Variants in MEX3C observed in about 807,000 individuals in gnomAD.
MEX3C encodes the protein mex-3 RNA binding family member C, also known as RNA-binding E3 ubiquitin-protein ligase MEX3C.
Under a neutral mutation model 35.5 loss-of-function variants are expected in MEX3C, and 15 were observed. That is an observed-to-expected ratio of 0.42 (90% confidence interval 0.28 to 0.65). The LOEUF is 0.65. Ranked by LOEUF, MEX3C falls within the 30% of genes least tolerant of loss-of-function variation. The pLI is 0.20. For synonymous variants in MEX3C, 390 were observed against 352.8 expected (o/e 1.11, Z -1.18); for missense variants, 711 against 842.8 (o/e 0.84, Z 1.94).
intron 1 of MEX3C, chr18:51,193,645 C>A (rs1912706906): frequency 6.6e-6 from 1 of 152,196 alleles, no homozygotes; most frequent in Non-Finnish European, 1.5e-5. Flanking sequence ...CTCTTCAGTT[C>A]CTGGCTTTAT....
rs1568236786 is a variant in MEX3C, at chr18:51,196,970, T to G, written c.351A>C (p.Glu117Asp). 1.3e-6 allele frequency: 2 copies of G among 1,541,018 alleles called. No homozygotes were observed. Among genetic ancestry groups the G allele is most frequent in the African/African-American group, 1.4e-5 (1 of 71,776 alleles). The change falls in exon 1 of 2, where the codon GAA becomes GAC. Residue 117 changes from glutamate to aspartate, a missense_variant. Physicochemically the swap from Glu to Asp is conservative, Grantham distance 45 (BLOSUM62 2). Around this residue, in one of 4 missense-constraint regions of MEX3C, gnomAD observed 354 missense variants for 311.6 expected, o/e 1.14. Coordinates refer to ENST00000406189, the MANE Select transcript of MEX3C (RefSeq NM_016626.5). Reference sequence around the variant, plus strand: ...CCAGCAGGTCTCCGTCCAGCTCCGCTTCCTCCCCCTCCTCCTCGTCCTCTT... The same window carrying G: ...CCAGCAGGTCTCCGTCCAGCTCCGCGTCCTCCCCCTCCTCCTCGTCCTCTT... ...ELEEDEEEGE[E>D]AELDGDLLEE...
chr18:51,186,350 T>C (rs1167986813), intron 1 of MEX3C, among the ~76,000 whole-genome samples: 1 of 152,138 alleles, frequency 6.6e-6, no homozygotes, highest in East Asian at 1.9e-4. Context: ...AAGAAAGCTT[T>C]AAAGGCATCT....
chr18:51,191,302 G>A (rs191451995), intron 1 of MEX3C, among the ~76,000 whole-genome samples: 71 of 152,182 alleles, frequency 4.7e-4, no homozygotes, highest in African/African-American at 9.9e-4. Context: ...CATTACTTCC[G>A]GATCTAACAT....
chr18:51,194,136 C>A (rs1025379972), intron 1 of MEX3C: 2 of 152,164 alleles, frequency 1.3e-5, no homozygotes, highest in Non-Finnish European at 2.9e-5. Flanking sequence ...AGAATGTGAA[C>A]ATTAGAAGTC....
rs1912810170 is a variant in MEX3C, at chr18:51,196,863, T to C, written c.458A>G (p.Gln153Arg). ...GGACCCGCCCGGGATCTGCTGGGTC[T>C]GAGAGGCGGTGGCCGCGGGCGGCGA... ...LLSPPAATAS[Q>R]TQQIPGGSLG... The change falls in exon 1 of 2, where the codon CAG becomes CGG. Residue 153 changes from glutamine to arginine, a missense_variant. Transcript: ENST00000406189. The C allele has an allele frequency of 6.5e-7, 1 of 1,539,298 alleles. No individual in the cohort carries two copies. Among genetic ancestry groups the C allele is most frequent in the Non-Finnish European group, 8.7e-7 (1 of 1,145,576 alleles).
chr18:51,183,171 A>G (rs1285188239), intron 1 of MEX3C, among the ~76,000 whole-genome samples: 2 of 152,248 alleles, frequency 1.3e-5, no homozygotes, highest in African/African-American at 4.8e-5. Flanking sequence ...CAGCTCAGAC[A>G]TATTTGTAAC....
intron 1 of MEX3C, chr18:51,193,317 T>C (rs1201475124): frequency 6.6e-6 from 1 of 152,186 alleles, no homozygotes; most frequent in Non-Finnish European, 1.5e-5. Flanking sequence ...TTTATCCTAA[T>C]AGTAATACAA....
At chr18:51,179,922 G>T (rs899613743) in intron 1 of MEX3C, among the ~76,000 whole-genome samples, 3 of 152,124 alleles carry the variant, frequency 2.0e-5, no homozygotes, top group Non-Finnish European at 4.4e-5. Flanking sequence ...ACTTGACAAG[G>T]TGGCAAGAAG....
chr18:51,182,297 G>C (rs187447989), intron 1 of MEX3C, among the ~76,000 whole-genome samples: 21 of 152,264 alleles, frequency 1.4e-4, no homozygotes, highest in Non-Finnish European at 2.2e-4. Flanking sequence ...TTGGATAAGG[G>C]GGGGACTACT....
chr18:51,178,359 C>T (rs992052381), intron 1 of MEX3C, among the ~76,000 whole-genome samples: 1 of 151,302 alleles, frequency 6.6e-6, no homozygotes, highest in Non-Finnish European at 1.5e-5. Flanking sequence ...TTACGTAATT[C>T]TCCACTTTAA....
Position 51,197,643 on chromosome 18 carries a change from CGCG to C in MEX3C, c.-326_-324del, listed in dbSNP as rs554909276. ...ATGGCCTTAACCAGCCCCCGGCGCG[CGCG>C]GCGGCGGCGGCTACGCCCCACGCCG... On this transcript the variant is annotated 5_prime_UTR_variant, in exon 1 of 2. Transcript: ENST00000406189. Among the ~76,000 whole-genome samples the C allele has an allele frequency of 6.7e-6, 1 of 149,366 alleles. No individual in the cohort carries two copies. The highest frequency in any genetic ancestry group is 1.5e-5 in the Non-Finnish European group (1 of 67,126).
rs373366185 is a variant in MEX3C, at chr18:51,196,604, G to A, written c.717C>T (p.Pro239=). The part of the protein sequence containing the change: ...SVNTTECVPV[P]SSEHVAEIVG... ...CGATCTCGGCGACGTGCTCGGAGCT[G>A]GGCACCGGGACGCACTCGGTGGTGT... The change falls in exon 1 of 2, where the codon CCC becomes CCT. Residue 239 remains proline, a synonymous_variant. Coordinates refer to ENST00000406189, the MANE Select transcript of MEX3C (RefSeq NM_016626.5). 332 of 1,593,606 alleles carry A rather than the reference G, an allele frequency of 2.1e-4. No individual in the cohort carries two copies. Among genetic ancestry groups the A allele is most frequent in the Non-Finnish European group, 2.8e-4 (327 of 1,175,338 alleles).
At chr18:51,184,548 CAAG>C (rs1912495152) in intron 1 of MEX3C, among the ~76,000 whole-genome samples, 1 of 152,118 alleles carries the variant, frequency 6.6e-6, no homozygotes, top group Non-Finnish European at 1.5e-5. Context: ...GGAAGTCTCT[CAAG>C]AATTATTGTA....
rs759565342 is a variant in MEX3C, at chr18:51,197,035, C to A, written c.286G>T (p.Gly96Cys). 10 of 1,512,580 alleles carry A rather than the reference C, an allele frequency of 6.6e-6. No homozygotes were observed. Among genetic ancestry groups the A allele is most frequent in the Non-Finnish European group, 8.8e-6 (10 of 1,136,382 alleles). The allele number at this position is 1,512,580 out of a possible 1,614,324, so 93.7% of individuals were successfully genotyped here. A position where few individuals can be genotyped will look rare whatever the true frequency, so the allele number is the denominator to read the frequency against. ...GCCGCCTCCGGGGCCCCGGGCCGGCCGGGCGGAGCCCGCTCCTCTGGAGAC... is the reference window on the plus strand; with the variant it reads ...GCCGCCTCCGGGGCCCCGGGCCGGCAGGGCGGAGCCCGCTCCTCTGGAGAC... ...ELSPEERAPP[G>C]RPGAPEAAEL... Residue 96 changes from glycine (G) to cysteine (C), a missense_variant, in exon 1 of 2, where the codon GGC (glycine) becomes TGC (cysteine). Physicochemically the swap from Gly to Cys is radical, Grantham distance 159. Coordinates refer to ENST00000406189, the MANE Select transcript of MEX3C (RefSeq NM_016626.5).
chr18:51,175,800 G>A lies in MEX3C; in HGVS notation c.*551C>T, dbSNP rs998279077. 2.0e-5 allele frequency: 3 copies of A among 152,656 alleles called. No homozygotes were observed. Among genetic ancestry groups the A allele is most frequent in the African/African-American group, 7.2e-5 (3 of 41,434 alleles). The allele number at this position is 152,656 out of a possible 1,614,324, so 9.5% of individuals were successfully genotyped here. On this transcript the variant is annotated 3_prime_UTR_variant, in exon 2 of 2. Transcript: ENST00000406189. ...CCAGTGATCTAGTAAACTGCCATCA[G>A]CCCTATCATTACCAATAAGTAATCA... is the stretch of plus-strand genomic sequence containing the variant.
rs1300701934 is a variant in MEX3C, at chr18:51,196,696, C to T, written c.625G>A (p.Gly209Ser). ...AMLSHAYGPG[G>S]CGAAAAALNG... ...AGGGCGGCCGCCGCCGCCCCACAAC[C>T]GCCGGGGCCGTAGGCGTGGGACAGC... is the stretch of plus-strand genomic sequence containing the variant. Residue 209 changes from glycine to serine, a missense_variant, in exon 1 of 2, where the codon GGT becomes AGT. Gly to Ser is a moderately conservative substitution (Grantham distance 56). Transcript: ENST00000406189. 8 of 1,541,816 alleles carry T rather than the reference C, an allele frequency of 5.2e-6. No individual in the cohort carries two copies. The highest frequency in any genetic ancestry group is 7.0e-6 in the Non-Finnish European group (8 of 1,148,890).
At chr18:51,188,185 A>G (rs556906435) in intron 1 of MEX3C, among the ~76,000 whole-genome samples, 2 of 152,304 alleles carry the variant, frequency 1.3e-5, no homozygotes, top group African/African-American at 4.8e-5. Flanking sequence ...AAACACCTTC[A>G]TTTATGTGAT....
Position 51,176,785 on chromosome 18 carries a change from C to G in MEX3C, c.1546G>C (p.Val516Leu), listed in dbSNP as rs1245023442. ...CTCCCAAAGCCAGAGAGTGGGTTAA[C>G]TGGTTCAAATGGAGTCCAGATAGTT... is the stretch of plus-strand genomic sequence containing the variant. ...AQTIWTPFEP[V>L]NPLSGFGSDP... is the part of the protein sequence containing the mutation. Residue 516 changes from valine to leucine, a missense_variant, in exon 2 of 2, where the codon GTT becomes CTT. Transcript: ENST00000406189. 2 of 1,613,860 alleles carry G rather than the reference C, an allele frequency of 1.2e-6. No homozygotes were observed. Among genetic ancestry groups the G allele is most frequent in the Non-Finnish European group, 1.7e-6 (2 of 1,179,898 alleles).
intron 1 of MEX3C, among the ~76,000 whole-genome samples, chr18:51,188,941 C>T (rs114225377): frequency 6.6e-6 from 1 of 152,250 alleles, no homozygotes; most frequent in African/African-American, 2.4e-5. Flanking sequence ...CTACAATATC[C>T]TTGCTGATTT....
Sources: allele counts gnomAD v4.1 joint callset (sites outside exome capture counted in the v4.1 genomes callset), GRCh38; gene constraint gnomAD v4.1.1; regional missense constraint gnomAD v4.1.1; transcripts MANE v1.5; gene names NCBI Gene and HGNC (gene_info 2026-07-23, HGNC 2026-07-21).